The following ATP10B variants were observed in gnomAD, a reference collection of about 807,000 sequenced individuals.
ATP10B encodes the protein phospholipid-transporting ATPase VB.
Under a neutral mutation model 141.2 loss-of-function variants are expected in ATP10B, and 122 were observed. That is an observed-to-expected ratio of 0.86 (90% CI 0.75 to 1.00). The LOEUF (loss-of-function observed/expected upper bound fraction) is 1.00. Ranked by LOEUF, ATP10B falls within the 50% of genes least tolerant of loss-of-function variation. ATP10B has a pLI of 0.00. For missense variants in ATP10B, 1,876 were observed against 1,825.3 expected (o/e 1.03, Z -0.51); for synonymous variants, 685 against 692.0 (o/e 0.99, Z 0.16).
chr5:160,867,449 C>T, the ATP10B span, among the ~76,000 whole-genome samples: 3 of 152,056 alleles, frequency 2.0e-5, no homozygotes, highest in South Asian at 2.1e-4. Context: ...AGATGTGAGG[C>T]ATCACTTTTA....
At chr5:160,599,906 G>A (rs1470508671) in intron 21 of ATP10B, among the ~76,000 whole-genome samples, 4 of 152,190 alleles carry the variant, frequency 2.6e-5, no homozygotes, top group Non-Finnish European at 5.9e-5. Context: ...GATGTGAAGG[G>A]TCTTGCAAGA....
chr5:160,652,833 A>G lies in ATP10B; in HGVS notation c.676-3577T>C, dbSNP rs186096832. ...AATATATTATATATTAATTATATATAATATATATTATAAAAAGATTATAAA... is the reference window on the plus strand; with the variant it reads ...AATATATTATATATTAATTATATATGATATATATTATAAAAAGATTATAAA... On this transcript the variant is annotated intron_variant, in intron 7 of 25. Transcript: ENST00000327245. Among the ~76,000 whole-genome samples the G allele has an allele frequency of 5.0e-3, 534 of 105,912 alleles. 42 individuals are homozygous for G. Among genetic ancestry groups the G allele is most frequent in the African/African-American group, 0.019 (512 of 27,212 alleles). The allele number at this position is 105,912 out of a possible 152,430, so 69.5% of individuals were successfully genotyped here.
chr5:160,742,226 T>C (rs1767527135), intron 2 of ATP10B, among the ~76,000 whole-genome samples: 1 of 152,176 alleles, frequency 6.6e-6, no homozygotes, highest in Admixed American at 6.5e-5. Context: ...ACAATCTTTT[T>C]CTCATGGTTA....
intron 3 of ATP10B, among the ~76,000 whole-genome samples, chr5:160,695,838 C>T (rs1255978252): frequency 2.0e-5 from 3 of 151,888 alleles, no homozygotes; most frequent in Non-Finnish European, 4.4e-5. Context: ...CAGTTAACTA[C>T]AGGCGTTTTT....
chr5:160,756,966 A>G (rs1011443136), intron 2 of ATP10B, among the ~76,000 whole-genome samples: 1 of 152,058 alleles, frequency 6.6e-6, no homozygotes, highest in African/African-American at 2.4e-5. Flanking sequence ...AATTCAAATT[A>G]TTGATTTTTT....
At chr5:160,770,501 C>T (rs1769815403) in intron 2 of ATP10B, among the ~76,000 whole-genome samples, 1 of 152,006 alleles carries the variant, frequency 6.6e-6, no homozygotes, top group African/African-American at 2.4e-5. Flanking sequence ...ATGGTACTCT[C>T]AAAAAACAAA....
intron 22 of ATP10B, 61 bp downstream of exon 22, chr5:160,598,709 G>T: frequency 6.7e-7 from 1 of 1,488,342 alleles, no homozygotes; most frequent in Non-Finnish European, 9.3e-7. Context: ...TGCCTCCAGA[G>T]GGGAGGTAGA....
chr5:160,564,811 C>T lies in ATP10B; in HGVS notation c.*642G>A, dbSNP rs1754439041. On this transcript the variant is annotated 3_prime_UTR_variant, in exon 26 of 26. Coordinates refer to ENST00000327245, the MANE Select transcript of ATP10B (RefSeq NM_025153.3). The stretch of plus-strand genomic sequence containing the variant: ...TTCATGCCTCTTACACTAGCTGTGA[C>T]CCTAAAACACTCAGAAGAGTCTGTG... The T allele has an allele frequency of 6.6e-6, 1 of 152,482 alleles. No individual in the cohort carries two copies. The highest frequency in any genetic ancestry group is 2.4e-5 in the African/African-American group (1 of 41,430). The allele number at this position is 152,482 out of a possible 1,614,324, so 9.4% of individuals were successfully genotyped here. A position where few individuals can be genotyped will look rare whatever the true frequency, so the allele number is the denominator to read the frequency against.
At chr5:160,640,992 C>T (rs748399763) in intron 9 of ATP10B, among the ~76,000 whole-genome samples, 13 of 152,162 alleles carry the variant, frequency 8.5e-5, no homozygotes, top group Non-Finnish European at 1.6e-4. Context: ...GGTTCTGTTC[C>T]ACCTGTTATG....
intron 13 of ATP10B, among the ~76,000 whole-genome samples, chr5:160,629,923 G>A (rs1391155711): frequency 6.6e-6 from 1 of 152,180 alleles, no homozygotes; most frequent in African/African-American, 2.4e-5. Context: ...GGTGAGAATT[G>A]TAAGTAAAGT....
intron 1 of ATP10B, among the ~76,000 whole-genome samples, chr5:160,826,868 G>T (rs1774643548): frequency 6.6e-6 from 1 of 152,130 alleles, no homozygotes; most frequent in Non-Finnish European, 1.5e-5. Flanking sequence ...CTAGGATTGG[G>T]AAATGCCAGC....
At chr5:160,599,138 T>C (rs1266127803) in intron 21 of ATP10B, among the ~76,000 whole-genome samples, 168 bp from the exon 22 acceptor site, 14 of 152,218 alleles carry the variant, frequency 9.2e-5, no homozygotes, top group Non-Finnish European at 8.8e-5. Flanking sequence ...TAGCTACCAC[T>C]GTTACTACTA....
chr5:160,833,000 A>G (rs1362222087), intron 1 of ATP10B, among the ~76,000 whole-genome samples: 1 of 152,158 alleles, frequency 6.6e-6, no homozygotes, highest in Non-Finnish European at 1.5e-5. Flanking sequence ...CGTAGTGTTA[A>G]TGTGCCAAAC....
chr5:160,731,411 G>A (rs1391143197), intron 2 of ATP10B, among the ~76,000 whole-genome samples: 3 of 152,160 alleles, frequency 2.0e-5, no homozygotes, highest in African/African-American at 4.8e-5. Flanking sequence ...TAATGGCTTT[G>A]CAAGAGTTTG....
At position 160,634,546 on chromosome 5, in the gene ATP10B, A is replaced by G. The variant is rs1338050509; in HGVS notation, c.1189T>C (p.Phe397Leu). The change falls in exon 12 of 26, where the codon TTC becomes CTC. Residue 397 changes from phenylalanine to leucine, a missense_variant. By Grantham distance (22) the Phe-to-Leu change is conservative. Coordinates refer to ENST00000327245, the MANE Select transcript of ATP10B (RefSeq NM_025153.3). The part of the protein sequence containing the change: ...IELVKLGQVF[F>L]LSNDLDLYDE... ...TACAGGTCAAGGTCATTGCTCAAGA[A>G]GAACACTTGCCCGAGCTTCACCAGC... The G allele has an allele frequency of 6.2e-7, 1 of 1,614,192 alleles. No homozygotes were observed. The highest frequency in any genetic ancestry group is 1.1e-5 in the South Asian group (1 of 91,070).
intron 2 of ATP10B, among the ~76,000 whole-genome samples, chr5:160,749,999 C>T (rs963597834): frequency 1.3e-5 from 2 of 152,186 alleles, no homozygotes; most frequent in African/African-American, 4.8e-5. Flanking sequence ...AAATTTCCTC[C>T]TTCTTTTACG....
intron 2 of ATP10B, among the ~76,000 whole-genome samples, chr5:160,723,503 TCC>T (rs2127784339): frequency 6.6e-6 from 1 of 152,264 alleles, no homozygotes; most frequent in South Asian, 2.1e-4. Context: ...TTGGTTATTT[TCC>T]CCCACTTGGC....
At chr5:160,775,609 A>T (rs1369445041) in intron 2 of ATP10B, among the ~76,000 whole-genome samples, 1 of 152,040 alleles carries the variant, frequency 6.6e-6, no homozygotes. Context: ...CCTGGGTTCA[A>T]ATCCAAGCTC....
intron 1 of ATP10B, among the ~76,000 whole-genome samples, chr5:160,817,240 A>G (rs943085332): frequency 6.6e-6 from 1 of 152,214 alleles, no homozygotes; most frequent in African/African-American, 2.4e-5. Context: ...ACATGATTGT[A>G]TATCTAGAAA....
Sources: gnomAD v4.1 joint callset for allele counts (sites outside exome capture counted in the v4.1 genomes callset) on GRCh38, gnomAD v4.1.1 for gene constraint, MANE v1.5 for transcripts, NCBI Gene and HGNC (gene_info 2026-07-23, HGNC 2026-07-21) for gene names.